The following ERBB4 variants were observed in gnomAD, a reference collection of about 807,000 sequenced individuals.
The protein encoded by ERBB4 is erb-b2 receptor tyrosine kinase 4.
A neutral mutation model predicts 158.0 loss-of-function variants in ERBB4; 42 were observed. The observed-to-expected ratio is 0.27, with a 90% confidence interval of 0.21 to 0.34. The LOEUF is 0.34. ERBB4 is among the 10% of genes least tolerant of loss of function. The pLI is 1.00. For synonymous variants in ERBB4, 583 were observed against 558.7 expected, an observed-to-expected ratio of 1.04 and a Z score of -0.61; for missense variants, 1,333 against 1,624.1, an observed-to-expected ratio of 0.82 and a Z score of 3.08.
rs549459863 is a variant in ERBB4, at chr2:211,428,391, AAAG to A, written c.2719+14_2719+16del. 3.0e-5 allele frequency: 44 copies of A among 1,470,542 alleles called. No homozygotes were observed. The highest frequency in any genetic ancestry group is 9.1e-5 in the South Asian group (8 of 87,874). 91.1% of individuals were successfully genotyped at this position (1,470,542 alleles called of 1,614,324 possible). ...TTTTGCTTTACAAGCTTTAATTCGC[AAAG>A]AAGATTTATTTACCATAGCTCCAAA... On this transcript the variant is annotated intron_variant, in intron 22 of 27. Transcript: ENST00000342788.
At chr2:211,624,139 T>A (rs1159366325) in intron 17 of ERBB4, 95 bp from the exon 18 acceptor site, 10 of 1,443,134 alleles carry the variant, frequency 6.9e-6, no homozygotes, top group Non-Finnish European at 8.3e-6. Flanking sequence ...TTCTCTTTCT[T>A]ACAAAGAAAA....
chr2:211,645,213 C>T (rs1190834715), intron 16 of ERBB4, among the ~76,000 whole-genome samples: 2 of 151,648 alleles, frequency 1.3e-5, no homozygotes, highest in African/African-American at 4.8e-5. Flanking sequence ...GCCAGTTATC[C>T]TTTATTATCA....
In ERBB4 at chr2:211,430,957, A is replaced by G; in HGVS notation, c.2631T>C (p.Ala877=). Residue 877 remains alanine (A), a synonymous_variant, in exon 21 of 28, where the codon GCT becomes GCC. Transcript: ENST00000342788. The part of the protein sequence containing the change: ...LLEGDEKEYN[A]DGGKMPIKWM... ...AAAAGATACCCACCTTTCCTCCATC[A>G]GCATTGTACTCTTTTTCATCTCCTT... 1 of 1,613,580 alleles carries G rather than the reference A, an allele frequency of 6.2e-7. No individual in the cohort carries two copies. Among genetic ancestry groups the G allele is most frequent in the Non-Finnish European group, 8.5e-7 (1 of 1,179,522 alleles).
rs555537300 is a variant in ERBB4, at chr2:211,828,986, G to A, written c.422-40827C>T. 2.2e-4 allele frequency among the ~76,000 whole-genome samples: 34 copies of A among 152,220 alleles called. 1 individual carries two copies. Among genetic ancestry groups the A allele is most frequent in the African/African-American group, 8.2e-4 (34 of 41,538 alleles). ...CAACCACTCTCTTTCCTTCTTTATT[G>A]AGAGAAACTCAGTTGCATAAAATTG... On this transcript the variant is annotated intron_variant, in intron 3 of 27. Coordinates refer to ENST00000342788, the MANE Select transcript of ERBB4 (RefSeq NM_005235.3).
At chr2:212,500,368 G>A (rs1412819908) in intron 1 of ERBB4, among the ~76,000 whole-genome samples, 1 of 151,992 alleles carries the variant, frequency 6.6e-6, no homozygotes, top group Non-Finnish European at 1.5e-5. Context: ...TTGAAAACTG[G>A]GTAGACAATA....
At chr2:212,479,462 C>T (rs908045770) in intron 1 of ERBB4, among the ~76,000 whole-genome samples, 2 of 152,132 alleles carry the variant, frequency 1.3e-5, no homozygotes, top group Non-Finnish European at 2.9e-5. Flanking sequence ...AGAAAAGCAA[C>T]TTTTTATAAA....
At chr2:211,741,771 T>C (rs1325730831) in intron 5 of ERBB4, among the ~76,000 whole-genome samples, 2 of 152,218 alleles carry the variant, frequency 1.3e-5, no homozygotes, top group Non-Finnish European at 2.9e-5. Flanking sequence ...ATACAGAGTA[T>C]TTTAAATATA....
chr2:212,072,627 G>A (rs913428056), intron 2 of ERBB4, among the ~76,000 whole-genome samples: 2 of 151,902 alleles, frequency 1.3e-5, no homozygotes, highest in Admixed American at 1.3e-4. Flanking sequence ...AACTGTTTTC[G>A]ATCTACTCGT....
chr2:211,751,038 A>G (rs2075117324), intron 4 of ERBB4, among the ~76,000 whole-genome samples: 1 of 152,174 alleles, frequency 6.6e-6, no homozygotes, highest in East Asian at 1.9e-4. Context: ...TATTCTATTG[A>G]TCTATTCTAC....
intron 12 of ERBB4, among the ~76,000 whole-genome samples, chr2:211,693,459 A>C (rs2106004116): frequency 6.6e-6 from 1 of 152,268 alleles, no homozygotes; most frequent in African/African-American, 2.4e-5. Context: ...AACCTATATT[A>C]TTAAATATAT....
At chr2:211,474,986 A>T (rs2064919472) in intron 20 of ERBB4, among the ~76,000 whole-genome samples, 1 of 152,062 alleles carries the variant, frequency 6.6e-6, no homozygotes, top group South Asian at 2.1e-4. Flanking sequence ...TAAGTCAGGG[A>T]TACAGAAAGG....
chr2:211,383,796 G>A lies in ERBB4; in HGVS notation c.3746C>T (p.Pro1249Leu), dbSNP rs150628313. Residue 1249 changes from proline to leucine, a missense_variant, in exon 28 of 28, where the codon CCT becomes CTT. By Grantham distance (98) the Pro-to-Leu change is moderately conservative. Coordinates refer to ENST00000342788, the MANE Select transcript of ERBB4 (RefSeq NM_005235.3). ...GTCTGGGTGCTGAAGGGTGCTCCGA[G>A]GTGGCAGGCTGTGGTTCCAGTAGTC... Reference protein sequence around the residue: ...NPDYWNHSLPPRSTLQHPDYL... With the variant: ...NPDYWNHSLPLRSTLQHPDYL... The A allele has an allele frequency of 5.3e-5, 86 of 1,614,100 alleles. No homozygotes were observed. In the African/African-American group the frequency reaches 9.5e-4, roughly 18 times the overall value.
At chr2:212,234,083 T>C (rs1410196742) in intron 1 of ERBB4, among the ~76,000 whole-genome samples, 1 of 151,980 alleles carries the variant, frequency 6.6e-6, no homozygotes, top group Non-Finnish European at 1.5e-5. Flanking sequence ...GCTGCACTCA[T>C]CAACCCATCA....
At chr2:211,662,213 T>C (rs551289296) in intron 15 of ERBB4, among the ~76,000 whole-genome samples, 1 of 152,136 alleles carries the variant, frequency 6.6e-6, no homozygotes, top group African/African-American at 2.4e-5. Context: ...GCAGGTTTGG[T>C]TTGATACAAA....
chr2:212,340,807 T>C (rs2106318607), intron 1 of ERBB4, among the ~76,000 whole-genome samples: 1 of 152,310 alleles, frequency 6.6e-6, no homozygotes, highest in Non-Finnish European at 1.5e-5. Context: ...TGAGGACCCC[T>C]GTTCTATAGC....
At chr2:211,852,964 T>G (rs973588507) in intron 3 of ERBB4, among the ~76,000 whole-genome samples, 3 of 152,018 alleles carry the variant, frequency 2.0e-5, no homozygotes, top group Admixed American at 6.6e-5. Flanking sequence ...ACTTCCTAAA[T>G]TTTTCATGTG....
chr2:212,511,305 T>C (rs1691506199), intron 1 of ERBB4, among the ~76,000 whole-genome samples: 1 of 152,144 alleles, frequency 6.6e-6, no homozygotes, highest in Admixed American at 6.5e-5. Context: ...CAAAACACCT[T>C]CCATCCTAAC....
At chr2:212,109,405 A>AAAAG (rs2079334653) in intron 2 of ERBB4, among the ~76,000 whole-genome samples, 1 of 152,150 alleles carries the variant, frequency 6.6e-6, no homozygotes, top group Non-Finnish European at 1.5e-5. Context: ...TTTCTATGAG[A>AAAAG]GCCCTTCAAA....
intron 12 of ERBB4, 86 bp from the exon 13 acceptor site, chr2:211,679,270 A>T (rs2072238871): frequency 1.4e-6 from 2 of 1,479,254 alleles, no homozygotes; most frequent in Admixed American, 3.6e-5. Context: ...TTTCTAAAGG[A>T]GTTCACTTAA....
Sources: gnomAD v4.1 joint callset for allele counts (sites outside exome capture counted in the v4.1 genomes callset) on GRCh38, gnomAD v4.1.1 for gene constraint, MANE v1.5 for transcripts, NCBI Gene and HGNC (gene_info 2026-07-23, HGNC 2026-07-21) for gene names.